ARHGAP15: variants seen among roughly 807,000 people sequenced by gnomAD.
ARHGAP15 encodes the protein Rho GTPase activating protein 15, also known as rho GTPase-activating protein 15.
In ARHGAP15, 51 loss-of-function variants were observed where a neutral mutation model predicts 63.7. The observed-to-expected ratio is 0.80, with a 90% CI of 0.64 to 1.01. The LOEUF is 1.01. Among genes scored for constraint, ARHGAP15 ranks in the 50% least tolerant of loss-of-function variants. The pLI is 0.00. For synonymous variants in ARHGAP15, 191 were observed against 193.8 expected (o/e 0.99, Z 0.12); for missense variants, 560 against 564.6 (o/e 0.99, Z 0.08).
At chr2:143,512,725 A>G (rs974902394) in intron 9 of ARHGAP15, among the ~76,000 whole-genome samples, 1 of 152,264 alleles carries the variant, frequency 6.6e-6, no homozygotes, top group African/African-American at 2.4e-5. Flanking sequence ...TATGGAGCTC[A>G]TGACATGGGT....
chr2:143,382,121 C>T (rs541118518), intron 6 of ARHGAP15, among the ~76,000 whole-genome samples: 1 of 138,672 alleles, frequency 7.2e-6, no homozygotes, highest in East Asian at 2.0e-4. Flanking sequence ...CTTCCTCCCT[C>T]CCTCCTCCCT....
At chr2:143,643,072 T>C (rs1034707146) in intron 12 of ARHGAP15, among the ~76,000 whole-genome samples, 1 of 152,128 alleles carries the variant, frequency 6.6e-6, no homozygotes, top group African/African-American at 2.4e-5. Flanking sequence ...GAGAATTCAA[T>C]ACTGCAGATG....
chr2:143,188,945 T>A (rs1175729515), intron 2 of ARHGAP15, among the ~76,000 whole-genome samples: 1 of 149,472 alleles, frequency 6.7e-6, no homozygotes, highest in Non-Finnish European at 1.5e-5. Context: ...TTCTAACGAT[T>A]TTTTTTTTTC....
chr2:143,325,424 A>T (rs915455225), intron 6 of ARHGAP15, among the ~76,000 whole-genome samples: 9 of 152,108 alleles, frequency 5.9e-5, no homozygotes, highest in African/African-American at 2.2e-4. Context: ...ATATCCTGTC[A>T]CAGGATGATG....
intron 12 of ARHGAP15, among the ~76,000 whole-genome samples, chr2:143,629,427 G>T (rs1040024326): frequency 6.6e-6 from 1 of 152,144 alleles, no homozygotes; most frequent in Admixed American, 6.6e-5. Flanking sequence ...GAAATGACTT[G>T]TACTGAAGGC....
intron 2 of ARHGAP15, among the ~76,000 whole-genome samples, chr2:143,176,563 A>G (rs1460044711): frequency 2.0e-5 from 3 of 152,162 alleles, no homozygotes; most frequent in Admixed American, 1.3e-4. Flanking sequence ...GTAAAAAAAA[A>G]CTAGTAAATA....
chr2:143,304,199 C>G (rs1287557490), intron 6 of ARHGAP15, among the ~76,000 whole-genome samples: 2 of 152,040 alleles, frequency 1.3e-5, no homozygotes, highest in African/African-American at 4.8e-5. Flanking sequence ...GACTTGGAAC[C>G]AACCCAAATG....
chr2:143,301,764 A>G (rs2105154375), intron 6 of ARHGAP15, among the ~76,000 whole-genome samples: 1 of 151,716 alleles, frequency 6.6e-6, no homozygotes, highest in East Asian at 1.9e-4. Flanking sequence ...ATGTATGTAT[A>G]ATACATACAT....
chr2:143,298,973 T>C (rs1057092538), intron 6 of ARHGAP15, among the ~76,000 whole-genome samples: 1 of 151,890 alleles, frequency 6.6e-6, no homozygotes, highest in Non-Finnish European at 1.5e-5. Flanking sequence ...CAAAAAGCTT[T>C]TTGGGACATA....
chr2:143,322,091 C>T (rs1684049374), intron 6 of ARHGAP15, among the ~76,000 whole-genome samples: 1 of 151,934 alleles, frequency 6.6e-6, no homozygotes, highest in Non-Finnish European at 1.5e-5. Flanking sequence ...CTCTCTCCTG[C>T]ACATACCCAG....
At chr2:143,349,256 A>AAG (rs2105309032) in intron 6 of ARHGAP15, among the ~76,000 whole-genome samples, 2 of 152,312 alleles carry the variant, frequency 1.3e-5, no homozygotes, top group East Asian at 3.9e-4. Context: ...GAGAGGATAA[A>AAG]AGGGACTGCT....
intron 6 of ARHGAP15, among the ~76,000 whole-genome samples, chr2:143,266,837 T>G (rs1387905812): frequency 6.6e-6 from 1 of 152,178 alleles, no homozygotes; most frequent in East Asian, 1.9e-4. Flanking sequence ...CAAGTATCAT[T>G]GGAGTTTTGG....
At chr2:143,688,766 A>G (rs910253119) in intron 12 of ARHGAP15, among the ~76,000 whole-genome samples, 1 of 152,186 alleles carries the variant, frequency 6.6e-6, no homozygotes, top group African/African-American at 2.4e-5. Context: ...TATAAATTCA[A>G]AAGATACTGC....
intron 6 of ARHGAP15, among the ~76,000 whole-genome samples, chr2:143,358,532 T>TA (rs534366994): frequency 2.8e-4 from 41 of 145,138 alleles, no homozygotes; most frequent in East Asian, 2.0e-3. Context: ...ATATGTAAAG[T>TA]AAAAAAAAAA....
At chr2:143,271,530 C>G (rs1156565260) in intron 6 of ARHGAP15, among the ~76,000 whole-genome samples, 3 of 152,274 alleles carry the variant, frequency 2.0e-5, no homozygotes, top group African/African-American at 4.8e-5. Context: ...GGCTTGAGTG[C>G]AGTGGCGCGA....
At chr2:143,197,371 T>C (rs1389951540) in intron 2 of ARHGAP15, among the ~76,000 whole-genome samples, 2 of 152,008 alleles carry the variant, frequency 1.3e-5, no homozygotes, top group Non-Finnish European at 2.9e-5. Flanking sequence ...CAGATAATAA[T>C]AATAAGCTAT....
chr2:143,507,127 C>T (rs559169415), intron 9 of ARHGAP15, among the ~76,000 whole-genome samples: 2 of 152,236 alleles, frequency 1.3e-5, no homozygotes, highest in Admixed American at 6.5e-5. Context: ...TTGTAGCTTC[C>T]TCTACTTAGT....
intron 6 of ARHGAP15, among the ~76,000 whole-genome samples, chr2:143,327,588 C>T (rs1684315451): frequency 6.6e-6 from 1 of 151,988 alleles, no homozygotes; most frequent in Non-Finnish European, 1.5e-5. Flanking sequence ...CCCTTCCCTA[C>T]ACCTTATACA....
intron 1 of ARHGAP15, among the ~76,000 whole-genome samples, chr2:143,153,816 T>A (rs929178850): frequency 7.5e-5 from 6 of 80,430 alleles, no homozygotes; most frequent in African/African-American, 2.3e-4. Flanking sequence ...CTTCTTCTTC[T>A]TCTTCTTCTT....
Sources: gnomAD v4.1 joint callset for allele counts (sites outside exome capture counted in the v4.1 genomes callset) on GRCh38, gnomAD v4.1.1 for gene constraint, MANE v1.5 for transcripts, NCBI Gene and HGNC (gene_info 2026-07-23, HGNC 2026-07-21) for gene names.